Variants in WDR70 observed in about 807,000 individuals in gnomAD.
The protein encoded by WDR70 is WD repeat-containing protein 70.
WDR70 carries 53 observed loss-of-function variants against 88.6 expected under a neutral mutation model. That is an observed-to-expected ratio of 0.60 (90% CI 0.48 to 0.75). WDR70 has a LOEUF of 0.75. Among genes scored for constraint, WDR70 ranks in the 30% least tolerant of loss-of-function variants. The probability of loss-of-function intolerance (pLI) is 0.00; values close to 1 mark genes in which losing one functional copy is unlikely to be tolerated. For synonymous variants in WDR70, 280 were observed against 270.0 expected, an observed-to-expected ratio of 1.04 and a Z score of -0.36; for missense variants, 610 against 823.2, an observed-to-expected ratio of 0.74 and a Z score of 3.17.
At chr5:37,671,853 C>G (rs755859317) in intron 10 of WDR70, among the ~76,000 whole-genome samples, 8 of 152,244 alleles carry the variant, frequency 5.3e-5, no homozygotes, top group Admixed American at 2.6e-4. Context: ...TGGCTCACAC[C>G]TGTAATCACA....
At chr5:37,610,564 A>G (rs894830171) in intron 10 of WDR70, among the ~76,000 whole-genome samples, 2 of 152,052 alleles carry the variant, frequency 1.3e-5, no homozygotes. Context: ...GATTTTCTCC[A>G]TATCTGTATA....
intron 8 of WDR70, among the ~76,000 whole-genome samples, chr5:37,483,607 G>A (rs1159552669): frequency 2.0e-5 from 3 of 152,172 alleles, no homozygotes; most frequent in Non-Finnish European, 2.9e-5. Flanking sequence ...TTCTCAATGA[G>A]CTGTTGGGTA....
At position 37,673,810 on chromosome 5, in the gene WDR70, C is replaced by T. The variant is rs75037442; in HGVS notation, c.1093-23845C>T. ...AGGCCCCAGTGTGTGTTGTTTCCCC[C>T]TCCCCATGTGTCCATGTGTTCTCAT... is the stretch of plus-strand genomic sequence containing the variant. On this transcript the variant is annotated intron_variant, in intron 10 of 17. Coordinates refer to ENST00000265107, the MANE Select transcript of WDR70 (RefSeq NM_018034.4). Among the ~76,000 whole-genome samples the T allele has an allele frequency of 4.1e-3, 630 of 152,150 alleles. 30 individuals carry two copies. In the East Asian group the frequency reaches 0.082, roughly 20 times the overall value.
At chr5:37,637,583 G>T (rs775720169) in intron 10 of WDR70, among the ~76,000 whole-genome samples, 2 of 152,048 alleles carry the variant, frequency 1.3e-5, no homozygotes, top group Non-Finnish European at 2.9e-5. Flanking sequence ...AAATGAAGGG[G>T]TAAACTTTTG....
intron 10 of WDR70, among the ~76,000 whole-genome samples, chr5:37,692,886 GAAAT>G (rs1176077229): frequency 2.2e-5 from 3 of 137,570 alleles, no homozygotes; most frequent in African/African-American, 7.5e-5. Flanking sequence ...GCAAGAGAAA[GAAAT>G]AAAGGTATTC....
chr5:37,444,139 A>G (rs550246738), intron 7 of WDR70, among the ~76,000 whole-genome samples: 1 of 151,856 alleles, frequency 6.6e-6, no homozygotes, highest in African/African-American at 2.4e-5. Context: ...ACAGAGCAAG[A>G]CTCCATCTCA....
At chr5:37,451,771 G>A (rs544967785) in intron 7 of WDR70, among the ~76,000 whole-genome samples, 15 of 152,202 alleles carry the variant, frequency 9.9e-5, no homozygotes, top group African/African-American at 1.9e-4. Flanking sequence ...CAAGGCAGGC[G>A]GATCATGAGG....
At chr5:37,554,209 A>G (rs1489738262) in intron 9 of WDR70, among the ~76,000 whole-genome samples, 1 of 152,014 alleles carries the variant, frequency 6.6e-6, no homozygotes, top group African/African-American at 2.4e-5. Context: ...CTATTGTGGA[A>G]AATTGTGAGC....
At chr5:37,393,384 T>G (rs929247238) in intron 4 of WDR70, among the ~76,000 whole-genome samples, 7 of 152,180 alleles carry the variant, frequency 4.6e-5, no homozygotes, top group Admixed American at 1.3e-4. Context: ...AGTTCTGCTC[T>G]GATTTTTTTT....
chr5:37,696,667 ACACACACGCGCGTG>A (rs72539703), intron 10 of WDR70, among the ~76,000 whole-genome samples: 38,174 of 151,466 alleles, frequency 0.25, 5,283 homozygotes, highest in Admixed American at 0.38. Context: ...ACACAGGTAC[ACACACACGCGCGTG>A]CACACACACC....
intron 9 of WDR70, among the ~76,000 whole-genome samples, chr5:37,564,540 T>G (rs1396477749): frequency 3.6e-5 from 5 of 137,344 alleles, no homozygotes; most frequent in Admixed American, 7.4e-5. Context: ...AGGGAGACGG[T>G]GGGGAGAGGG....
intron 11 of WDR70, chr5:37,700,448 T>C (rs1747124345): frequency 6.6e-6 from 1 of 152,272 alleles, no homozygotes; most frequent in Admixed American, 6.5e-5. Context: ...AAAAAGTGAT[T>C]CCTTAAAAAT....
At chr5:37,667,010 G>A (rs1745860482) in intron 10 of WDR70, among the ~76,000 whole-genome samples, 1 of 152,260 alleles carries the variant, frequency 6.6e-6, no homozygotes, top group East Asian at 1.9e-4. Flanking sequence ...CTATTACTAT[G>A]TACCAGCCCC....
At chr5:37,677,976 C>G (rs1746290554) in intron 10 of WDR70, among the ~76,000 whole-genome samples, 1 of 152,116 alleles carries the variant, frequency 6.6e-6, no homozygotes, top group African/African-American at 2.4e-5. Context: ...ATCCCTTTAC[C>G]ATTATGTAAT....
intron 10 of WDR70, among the ~76,000 whole-genome samples, chr5:37,695,972 A>G (rs989280777): frequency 3.3e-5 from 5 of 151,988 alleles, no homozygotes; most frequent in Non-Finnish European, 7.4e-5. Flanking sequence ...TCTCTGATTT[A>G]TTTTTGCCCC....
intron 17 of WDR70, among the ~76,000 whole-genome samples, chr5:37,749,148 A>G: frequency 6.6e-6 from 1 of 152,250 alleles, no homozygotes; most frequent in East Asian, 1.9e-4. Context: ...CTCTAAAGAC[A>G]CATGCACACG....
At chr5:37,562,330 T>C (rs1055138246) in intron 9 of WDR70, among the ~76,000 whole-genome samples, 14 of 152,024 alleles carry the variant, frequency 9.2e-5, no homozygotes, top group Admixed American at 9.2e-4. Context: ...TGCTCCAGCC[T>C]GGCTGACAGA....
intron 10 of WDR70, among the ~76,000 whole-genome samples, chr5:37,647,075 T>A (rs1263225239): frequency 1.3e-5 from 2 of 152,186 alleles, no homozygotes; most frequent in East Asian, 3.8e-4. Context: ...TTTTTTCCTC[T>A]GACTGAATAT....
In WDR70 at chr5:37,576,291, A is replaced by T. The variant is rs901838004; in HGVS notation, c.918-28773A>T. 4.1e-4 allele frequency among the ~76,000 whole-genome samples: 62 copies of T among 151,524 alleles called. 1 individual carries two copies. The highest frequency in any genetic ancestry group is 3.9e-3 in the Admixed American group (59 of 15,202). On this transcript the variant is annotated intron_variant, in intron 9 of 17. Transcript: ENST00000265107. ...CAGCTTACCTCCATTTCTCACACTG[A>T]GCTCTTTCCCAGATTAGGAGGTTTC... is the stretch of plus-strand genomic sequence containing the variant.
Sources: gnomAD v4.1 joint callset for allele counts (sites outside exome capture counted in the v4.1 genomes callset) on GRCh38, gnomAD v4.1.1 for gene constraint, MANE v1.5 for transcripts, NCBI Gene and HGNC (gene_info 2026-07-23, HGNC 2026-07-21) for gene names.